TUSC3: variants seen among roughly 807,000 people sequenced by gnomAD.
TUSC3 encodes the protein dolichyl-diphosphooligosaccharide--protein glycosyltransferase subunit TUSC3.
TUSC3 carries 45 observed loss-of-function variants against 44.8 expected under a neutral mutation model. The observed-to-expected ratio is 1.00, with a 90% CI of 0.79 to 1.29. The LOEUF (loss-of-function observed/expected upper bound fraction) is 1.29, where lower values mean the gene tolerates loss of function less well. TUSC3 is among the 50% of genes most tolerant of loss of function. The probability of loss-of-function intolerance (pLI) is 0.00; values close to 1 mark genes in which losing one functional copy is unlikely to be tolerated. For missense variants in TUSC3, 519 were observed against 437.9 expected, an observed-to-expected ratio of 1.19 and a Z score of -1.65; for synonymous variants, 212 against 152.9, an observed-to-expected ratio of 1.39 and a Z score of -2.85.
intron 2 of TUSC3, among the ~76,000 whole-genome samples, chr8:15,500,132 A>G (rs1800939318): frequency 6.6e-6 from 1 of 152,184 alleles, no homozygotes; most frequent in African/African-American, 2.4e-5. Context: ...CAACATTGAC[A>G]AAGCAGGTGA....
At chr8:15,718,983 T>C (rs553192325) in intron 6 of TUSC3, among the ~76,000 whole-genome samples, 1 of 152,132 alleles carries the variant, frequency 6.6e-6, no homozygotes, top group Admixed American at 6.6e-5. Context: ...TCAGATCACT[T>C]CTTACCACCT....
intron 2 of TUSC3, among the ~76,000 whole-genome samples, chr8:15,624,127 C>G (rs112638625): frequency 6.6e-6 from 1 of 152,220 alleles, no homozygotes; most frequent in Admixed American, 6.5e-5. Flanking sequence ...TAAAAAAATA[C>G]GTCCAAGTTG....
At chr8:15,508,457 CT>C (rs1200727081) in intron 2 of TUSC3, among the ~76,000 whole-genome samples, 1,084 of 79,516 alleles carry the variant, frequency 0.014, 11 homozygotes, top group African/African-American at 0.051. Flanking sequence ...TCGAAGCTTC[CT>C]TTTTTTTTTT....
At chr8:15,522,650 G>C (rs1292924438) in intron 2 of TUSC3, among the ~76,000 whole-genome samples, 1 of 151,832 alleles carries the variant, frequency 6.6e-6, no homozygotes, top group Non-Finnish European at 1.5e-5. Flanking sequence ...CCAAGATAGG[G>C]GCTGTTTCCC....
the TUSC3 span, among the ~76,000 whole-genome samples, chr8:15,805,934 T>C: frequency 1.3e-5 from 2 of 152,126 alleles, no homozygotes; most frequent in Admixed American, 1.3e-4. Flanking sequence ...TGAATTATGG[T>C]TTGAAATCAT....
chr8:15,812,553 T>A, the TUSC3 span, among the ~76,000 whole-genome samples: 1 of 152,158 alleles, frequency 6.6e-6, no homozygotes, highest in Admixed American at 6.5e-5. Context: ...CCTTAATTAA[T>A]TTCTCACTGA....
At chr8:15,466,308 T>C (rs1323413578) in intron 1 of TUSC3, among the ~76,000 whole-genome samples, 1 of 152,198 alleles carries the variant, frequency 6.6e-6, no homozygotes, top group East Asian at 1.9e-4. Context: ...TGAATTTCTT[T>C]GGCACTGAAG....
At chr8:15,451,516 C>G (rs939797674) in intron 1 of TUSC3, among the ~76,000 whole-genome samples, 15 of 152,188 alleles carry the variant, frequency 9.9e-5, no homozygotes, top group African/African-American at 3.1e-4. Context: ...CTGCAGGTTG[C>G]TTAACACTTG....
At chr8:15,851,181 A>T in the TUSC3 span, among the ~76,000 whole-genome samples, 1 of 152,208 alleles carries the variant, frequency 6.6e-6, no homozygotes, top group Non-Finnish European at 1.5e-5. Flanking sequence ...TGACTTGTCT[A>T]GTTTGACCAA....
In TUSC3 at chr8:15,657,910, G is replaced by A. The variant is rs553433616; in HGVS notation, c.427-1597G>A. Among the ~76,000 whole-genome samples the A allele has an allele frequency of 1.2e-4, 18 of 152,244 alleles. No homozygotes were observed. In the East Asian group the frequency reaches 3.1e-3, roughly 26 times the overall value. On this transcript the variant is annotated intron_variant, in intron 3 of 10. Coordinates refer to ENST00000503731, the MANE Select transcript of TUSC3 (RefSeq NM_006765.4). ...AATATTTAAATATTTACCTGCCGGC[G>A]TCTTGCCAGGCACTTCTTGCTGCAT...
intron 6 of TUSC3, among the ~76,000 whole-genome samples, chr8:15,713,257 T>G (rs749064071): frequency 6.6e-6 from 1 of 152,190 alleles, no homozygotes; most frequent in South Asian, 2.1e-4. Context: ...TCTTCTCATT[T>G]ATTTTCTGTG....
chr8:15,506,805 C>T (rs1193132314), intron 2 of TUSC3, among the ~76,000 whole-genome samples: 1 of 152,104 alleles, frequency 6.6e-6, no homozygotes, highest in Non-Finnish European at 1.5e-5. Context: ...TTCGGTGGGT[C>T]AAACCAAATC....
At chr8:15,696,126 C>A (rs1563178092) in intron 6 of TUSC3, among the ~76,000 whole-genome samples, 1 of 152,178 alleles carries the variant, frequency 6.6e-6, no homozygotes, top group African/African-American at 2.4e-5. Context: ...TAAAGGTCTT[C>A]AGGGCAGCCT....
chr8:15,809,782 AT>A, the TUSC3 span, among the ~76,000 whole-genome samples: 1 of 152,208 alleles, frequency 6.6e-6, no homozygotes, highest in Non-Finnish European at 1.5e-5. Context: ...AACGACTGTA[AT>A]TATATTACTT....
chr8:15,508,259 CAAAAA>C (rs1383711520), intron 2 of TUSC3, among the ~76,000 whole-genome samples: 1 of 151,626 alleles, frequency 6.6e-6, no homozygotes, highest in Non-Finnish European at 1.5e-5. Flanking sequence ...ACAACAAAAA[CAAAAA>C]ACAAAACAAA....
intron 1 of TUSC3, among the ~76,000 whole-genome samples, chr8:15,458,270 A>C (rs1800288796): frequency 6.6e-6 from 1 of 152,078 alleles, no homozygotes; most frequent in South Asian, 2.1e-4. Flanking sequence ...ACAAGGTCTT[A>C]CTCTGTGGCC....
chr8:15,541,437 T>C (rs978110336), intron 1 of TUSC3, among the ~76,000 whole-genome samples: 58 of 152,228 alleles, frequency 3.8e-4, no homozygotes, highest in African/African-American at 1.4e-3. Context: ...TAATTGAAGA[T>C]AGTTTTTCCT....
At chr8:15,515,107 T>C (rs1310340696) in intron 2 of TUSC3, among the ~76,000 whole-genome samples, 1 of 152,190 alleles carries the variant, frequency 6.6e-6, no homozygotes, top group East Asian at 1.9e-4. Context: ...CCACACTGTC[T>C]TGATTTTGTG....
At chr8:15,705,202 G>C (rs888670839) in intron 6 of TUSC3, among the ~76,000 whole-genome samples, 1 of 151,664 alleles carries the variant, frequency 6.6e-6, no homozygotes, top group African/African-American at 2.4e-5. Context: ...AGAGTACAGA[G>C]ACATTGATTT....
Sources: allele counts gnomAD v4.1 joint callset (sites outside exome capture counted in the v4.1 genomes callset), GRCh38; gene constraint gnomAD v4.1.1; transcripts MANE v1.5; gene names NCBI Gene and HGNC (gene_info 2026-07-23, HGNC 2026-07-21).